EDARADD: variants seen among roughly 807,000 people sequenced by gnomAD.
EDARADD encodes EDAR associated via death domain.
In EDARADD, 20 loss-of-function variants were observed where a neutral mutation model predicts 25.6. That is an observed-to-expected ratio of 0.78 (90% CI 0.55 to 1.14). The LOEUF (loss-of-function observed/expected upper bound fraction) is 1.14. Among genes scored for constraint, EDARADD ranks in the 50% most tolerant of loss-of-function variants. The pLI is 0.00. For missense variants in EDARADD, 225 were observed against 270.1 expected (o/e 0.83, Z 1.17); for synonymous variants, 86 against 94.4 (o/e 0.91, Z 0.52).
At chr1:236,457,707 T>C (rs1658911510) in intron 4 of EDARADD, among the ~76,000 whole-genome samples, 1 of 151,222 alleles carries the variant, frequency 6.6e-6, no homozygotes, top group African/African-American at 2.4e-5. Context: ...TAATCTCAAC[T>C]ACTCAGGAGG....
intron 3 of EDARADD, among the ~76,000 whole-genome samples, chr1:236,385,545 G>A (rs954596952): frequency 5.3e-5 from 8 of 151,676 alleles, no homozygotes; most frequent in Admixed American, 1.3e-4. Context: ...CCAACATGCT[G>A]AAACCCCGTC....
At chr1:236,437,570 G>A (rs184590573) in intron 4 of EDARADD, among the ~76,000 whole-genome samples, 18 of 152,196 alleles carry the variant, frequency 1.2e-4, no homozygotes, top group Middle Eastern at 3.4e-3. Flanking sequence ...CTGGATTTGG[G>A]TTGTGGCAGG....
chr1:236,445,641 T>A (rs1219463137), intron 4 of EDARADD, among the ~76,000 whole-genome samples: 1 of 152,104 alleles, frequency 6.6e-6, no homozygotes, highest in African/African-American at 2.4e-5. Flanking sequence ...GAGGTAGAAA[T>A]GGAGGAAGAA....
At chr1:236,411,683 G>C (rs1342191970) in intron 2 of EDARADD, among the ~76,000 whole-genome samples, 1 of 151,926 alleles carries the variant, frequency 6.6e-6, no homozygotes, top group Non-Finnish European at 1.5e-5. Flanking sequence ...CAAGTAGCTG[G>C]GATTACAGGT....
rs577963160 is a variant in EDARADD, at chr1:236,362,987, G to GAAAAAAAAAAAAAAA, written c.-6+12154_-6+12168dup. On this transcript the variant is annotated intron_variant, in intron 3 of 7. Coordinates refer to the EDARADD transcript ENST00000439430. ...TCAAGACTCTGTCTTCTTTTTTTAA[G>GAAAAAAAAAAAAAAA]AAAAAAAAAAAAAAAAAAAATATAT... Among the ~76,000 whole-genome samples, 36 of 29,560 alleles carry GAAAAAAAAAAAAAAA rather than the reference G, an allele frequency of 1.2e-3. 5 individuals carry two copies. The East Asian group carries it at 0.013, about 11-fold the overall frequency. The allele number at this position is 29,560 out of a possible 152,430, so 19.4% of individuals were successfully genotyped here. A position where few individuals can be genotyped will look rare whatever the true frequency, so the allele number is the denominator to read the frequency against.
At chr1:236,458,931 C>T (rs956752215) in intron 4 of EDARADD, among the ~76,000 whole-genome samples, 4 of 151,756 alleles carry the variant, frequency 2.6e-5, no homozygotes, top group East Asian at 1.9e-4. Flanking sequence ...CGTGAGCCAC[C>T]GCCCCCAGCC....
At chr1:236,460,806 G>C (rs756390442) in intron 4 of EDARADD, among the ~76,000 whole-genome samples, 8 of 150,986 alleles carry the variant, frequency 5.3e-5, no homozygotes, top group Non-Finnish European at 1.0e-4. Flanking sequence ...TGTGACATGA[G>C]AAAGTTTTGT....
At chr1:236,424,010 G>A (rs1657845487) in intron 3 of EDARADD, among the ~76,000 whole-genome samples, 1 of 152,026 alleles carries the variant, frequency 6.6e-6, no homozygotes, top group Admixed American at 6.6e-5. Context: ...GGAGTCTAGG[G>A]TAGGAGAATC....
intron 4 of EDARADD, among the ~76,000 whole-genome samples, chr1:236,453,278 C>CTTTTTTTTTTTTTTT (rs71672500): frequency 7.5e-6 from 1 of 133,884 alleles, no homozygotes. Context: ...TTCTTTTTTT[C>CTTTTTTTTTTTTTTT]TTTTTTTTTT....
At chr1:236,441,589 T>C (rs913306445) in intron 4 of EDARADD, among the ~76,000 whole-genome samples, 1 of 150,888 alleles carries the variant, frequency 6.6e-6, no homozygotes, top group Admixed American at 6.7e-5. Flanking sequence ...AATGGTGCGA[T>C]CTCCGCTCAC....
At chr1:236,374,218 C>T (rs1019471879) in intron 3 of EDARADD, among the ~76,000 whole-genome samples, 7 of 151,942 alleles carry the variant, frequency 4.6e-5, no homozygotes, top group African/African-American at 1.7e-4. Context: ...ATGTTCTGTT[C>T]CTACTCATTT....
At position 236,484,251 on chromosome 1, in the gene EDARADD, A is replaced by G. The variant is rs1659767213; in HGVS notation, c.*1602A>G. On this transcript the variant is annotated 3_prime_UTR_variant, in exon 6 of 6. Transcript: ENST00000334232. This position sits in a 1 kb window ranked among gnomAD's most constrained non-coding sequence, Gnocchi z 4.1. ...TCAGGCGTGCAAGCTGGCCCAGGCC[A>G]ATGGTTGGTGTGTCATGGTGCCTCA... 5.2e-6 allele frequency: 5 copies of G among 959,372 alleles called. No individual in the cohort carries two copies. The East Asian group carries it at 1.2e-4, about 23-fold the overall frequency. 59.4% of individuals were successfully genotyped at this position (959,372 alleles called of 1,614,324 possible).
Position 236,444,701 on chromosome 1 carries a change from G to T in EDARADD, c.219+17251G>T, listed in dbSNP as rs895431224. On this transcript the variant is annotated intron_variant, in intron 4 of 5. Coordinates refer to ENST00000334232, the MANE Select transcript of EDARADD (RefSeq NM_145861.4). ...GGTCTCCCAAAGTGCTGGGATTATA[G>T]GCGTGAGCCACCGCGCCTGACCAAC... Among the ~76,000 whole-genome samples, 4 of 152,178 alleles carry T rather than the reference G, an allele frequency of 2.6e-5. No individual in the cohort carries two copies. The South Asian group carries it at 8.3e-4, about 31-fold the overall frequency.
At chr1:236,352,903 G>C (rs373150896) in intron 3 of EDARADD, among the ~76,000 whole-genome samples, 2 of 152,006 alleles carry the variant, frequency 1.3e-5, no homozygotes. Context: ...CCAGCTACTC[G>C]GGAGGCTGAG....
At chr1:236,449,958 G>T (rs1326136697) in intron 4 of EDARADD, among the ~76,000 whole-genome samples, 1 of 152,106 alleles carries the variant, frequency 6.6e-6, no homozygotes, top group Non-Finnish European at 1.5e-5. Flanking sequence ...AAAATTAGCC[G>T]GGTGTAGTGG....
At chr1:236,413,421 C>T (rs911896810) in intron 2 of EDARADD, among the ~76,000 whole-genome samples, 7 of 152,170 alleles carry the variant, frequency 4.6e-5, no homozygotes, top group African/African-American at 1.4e-4. Flanking sequence ...CTTTCTCTCT[C>T]TCCTCTCTTG....
chr1:236,474,301 CACCTGACA>C (rs1659447065), intron 5 of EDARADD, among the ~76,000 whole-genome samples: 1 of 152,184 alleles, frequency 6.6e-6, no homozygotes, highest in Non-Finnish European at 1.5e-5. Context: ...GGCCCTTCTT[CACCTGACA>C]AAGGCTTTCT....
At chr1:236,391,247 G>T (rs968611856), upstream of EDARADD, among the ~76,000 whole-genome samples, 9 of 152,164 alleles carry the variant, frequency 5.9e-5, no homozygotes, top group African/African-American at 1.9e-4. Flanking sequence ...TCAGGAGTCA[G>T]GGGTGATGTC....
intron 4 of EDARADD, among the ~76,000 whole-genome samples, chr1:236,448,666 G>A (rs1217161047): frequency 2.6e-5 from 4 of 152,106 alleles, no homozygotes; most frequent in East Asian, 1.9e-4. Context: ...TAGGTGCTCC[G>A]GTGCCAGCAC....
Sources: gnomAD v4.1 joint callset for allele counts (sites outside exome capture counted in the v4.1 genomes callset) on GRCh38, gnomAD v4.1.1 for gene constraint, Gnocchi (gnomAD v3.1) non-coding constraint, MANE v1.5 for transcripts, NCBI Gene and HGNC (gene_info 2026-07-23, HGNC 2026-07-21) for gene names.